TIAM2: variants seen among roughly 807,000 people sequenced by gnomAD.
The protein encoded by TIAM2 is TIAM Rac1 associated GEF 2.
TIAM2 carries 80 observed loss-of-function variants against 152.9 expected under a neutral mutation model. The observed-to-expected ratio is 0.52, with a 90% confidence interval of 0.44 to 0.63. TIAM2 has a LOEUF of 0.63. Among genes scored for constraint, TIAM2 ranks in the 30% least tolerant of loss-of-function variants. The pLI, the probability that TIAM2 is intolerant of heterozygous loss-of-function variation, is 0.00. For missense variants in TIAM2, 1,965 were observed against 2,120.1 expected (o/e 0.93, Z 1.44); for synonymous variants, 804 against 838.0 (o/e 0.96, Z 0.70).
chr6:155,029,671 A>G (rs1294944730), intron 1 of TIAM2, among the ~76,000 whole-genome samples: 1 of 135,338 alleles, frequency 7.4e-6, no homozygotes, highest in African/African-American at 2.7e-5. Flanking sequence ...ATATAACTAT[A>G]TACAGAGTTA....
intron 1 of TIAM2, among the ~76,000 whole-genome samples, chr6:155,008,141 C>T (rs1778429242): frequency 6.6e-6 from 1 of 152,090 alleles, no homozygotes; most frequent in Non-Finnish European, 1.5e-5. Context: ...TTATAGAGTG[C>T]ATTGAAAATT....
At chr6:155,015,049 G>A (rs2114852843) in intron 1 of TIAM2, among the ~76,000 whole-genome samples, 1 of 152,216 alleles carries the variant, frequency 6.6e-6, no homozygotes, top group Middle Eastern at 3.4e-3. Flanking sequence ...GCAGAGTAGG[G>A]TGTGCATGCT....
chr6:155,130,628 T>G (rs1025983071), intron 4 of TIAM2, among the ~76,000 whole-genome samples: 2 of 152,242 alleles, frequency 1.3e-5, no homozygotes, highest in African/African-American at 4.8e-5. Flanking sequence ...AGCCCACAAC[T>G]TTAATCTTCC....
chr6:155,225,058 C>T (rs1232019026), intron 15 of TIAM2, among the ~76,000 whole-genome samples: 1 of 152,200 alleles, frequency 6.6e-6, no homozygotes, highest in East Asian at 1.9e-4. Context: ...CAGGTTCAAG[C>T]AGTTCTCCCA....
At chr6:155,179,878 C>G (rs1326946611) in intron 12 of TIAM2, among the ~76,000 whole-genome samples, 3 of 152,216 alleles carry the variant, frequency 2.0e-5, no homozygotes, top group Admixed American at 6.5e-5. Flanking sequence ...TCCCTCCTCT[C>G]TGGTGACATG....
At position 155,088,056 on chromosome 6, in the gene TIAM2, T is replaced by C. The variant is rs186440560; in HGVS notation, c.-208-2233T>C. 9.7e-3 allele frequency among the ~76,000 whole-genome samples: 1,430 copies of C among 147,694 alleles called. 6 individuals carry two copies. Among genetic ancestry groups the C allele is most frequent in the Non-Finnish European group, 0.015 (1,030 of 66,570 alleles). On this transcript the variant is annotated intron_variant, in intron 1 of 26. Transcript: ENST00000682666. ...TGTATTTCTTTTTCTTTCTTTCTTT[T>C]TTTTTTTTTTTTTTTTGAGACGTAG...
chr6:155,204,421 G>C (rs890302143), intron 14 of TIAM2, among the ~76,000 whole-genome samples: 37 of 151,990 alleles, frequency 2.4e-4, no homozygotes, highest in Non-Finnish European at 4.6e-4. Flanking sequence ...ACGGCTTCTG[G>C]AGAGGTTCTG....
At chr6:155,202,813 G>T (rs930009805) in intron 14 of TIAM2, among the ~76,000 whole-genome samples, 1 of 150,384 alleles carries the variant, frequency 6.6e-6, no homozygotes, top group Admixed American at 6.7e-5. Context: ...TGAGGTGGGT[G>T]GATCACTCGA....
rs1783841446 is a variant in TIAM2, at chr6:155,253,969, A to G, written c.4226-4A>G. The G allele has an allele frequency of 3.7e-6, 6 of 1,611,006 alleles. No individual in the cohort carries two copies. Among genetic ancestry groups the G allele is most frequent in the Non-Finnish European group, 5.1e-6 (6 of 1,178,898 alleles). On this transcript the variant is annotated splice_polypyrimidine_tract_variant and splice_region_variant and intron_variant, in intron 24 of 26. Coordinates refer to ENST00000682666, the MANE Select transcript of TIAM2 (RefSeq NM_012454.4). ...GACTCTTGTTTCCATTTCCTTTTAC[A>G]TAGGGACAGAAAATAATTCCATATG... is the stretch of plus-strand genomic sequence containing the variant.
intron 1 of TIAM2, among the ~76,000 whole-genome samples, chr6:154,998,962 A>C (rs1778267482): frequency 6.6e-6 from 1 of 152,198 alleles, no homozygotes; most frequent in African/African-American, 2.4e-5. Context: ...TGCCAAACAC[A>C]ATGCCCTGGG....
intron 1 of TIAM2, among the ~76,000 whole-genome samples, chr6:155,057,017 C>CTTTTTTT (rs71023612): frequency 0.01 from 443 of 43,880 alleles, 33 homozygotes; most frequent in Non-Finnish European, 0.013. Flanking sequence ...AGTTTTCTTT[C>CTTTTTTT]TTTTTTTTTT....
Position 155,249,814 on chromosome 6 carries a change from AAC to A in TIAM2, c.3833-35_3833-34del, listed in dbSNP as rs745700543. ...CTGTTGGATAGAATCTAAAACAAATAACAGTTATGAAATAAATATGATTTCAT... is the reference window on the plus strand; with the variant it reads ...CTGTTGGATAGAATCTAAAACAAATAAGTTATGAAATAAATATGATTTCAT... On this transcript the variant is annotated intron_variant, in intron 20 of 26. Transcript: ENST00000682666. The A allele has an allele frequency of 3.6e-5, 56 of 1,543,210 alleles. No homozygotes were observed. The Admixed American group carries it at 6.5e-4, about 18-fold the overall frequency.
intron 14 of TIAM2, among the ~76,000 whole-genome samples, chr6:155,208,843 G>A (rs989195419): frequency 1.3e-5 from 2 of 151,822 alleles, no homozygotes; most frequent in East Asian, 2.0e-4. Context: ...CCATCCATCC[G>A]TCCATCGAGG....
intron 1 of TIAM2, among the ~76,000 whole-genome samples, chr6:155,045,633 G>A (rs571166393): frequency 4.5e-4 from 69 of 152,148 alleles, no homozygotes; most frequent in African/African-American, 1.5e-3. Context: ...GGTTCCATTT[G>A]ATCTTCTCTG....
At chr6:155,162,723 C>T (rs1181932960) in intron 7 of TIAM2, among the ~76,000 whole-genome samples, 4 of 152,166 alleles carry the variant, frequency 2.6e-5, no homozygotes, top group African/African-American at 9.7e-5. Context: ...GGCGTAGGAC[C>T]TGGGCATCTG....
intron 1 of TIAM2, among the ~76,000 whole-genome samples, chr6:155,053,326 T>C (rs1208950007): frequency 6.6e-6 from 1 of 152,178 alleles, no homozygotes. Context: ...AAACTATTCT[T>C]GCCACCTGTT....
chr6:155,060,115 A>G lies in TIAM2; in HGVS notation c.-208-30174A>G, dbSNP rs564487440. 1.7e-4 allele frequency among the ~76,000 whole-genome samples: 26 copies of G among 152,238 alleles called. No homozygotes were observed. In the East Asian group the frequency reaches 4.8e-3, roughly 28 times the overall value. On this transcript the variant is annotated intron_variant, in intron 1 of 26. Transcript: ENST00000682666. The stretch of plus-strand genomic sequence containing the variant: ...TTTCCTCCATTCCTTCTATTAATAC[A>G]TTTAATAGGCTGGGTGCGGTGCTTA...
intron 2 of TIAM2, among the ~76,000 whole-genome samples, chr6:155,107,891 G>A (rs544791832): frequency 6.6e-6 from 1 of 152,176 alleles, no homozygotes; most frequent in Non-Finnish European, 1.5e-5. Context: ...GGGCCGAGGA[G>A]CCCTGGCTTT....
intron 1 of TIAM2, among the ~76,000 whole-genome samples, chr6:155,083,057 T>C (rs745354848): frequency 1.3e-5 from 2 of 151,940 alleles, no homozygotes; most frequent in Non-Finnish European, 2.9e-5. Flanking sequence ...GGAAAAGAAG[T>C]AGAGGTGGGG....
Sources: allele counts gnomAD v4.1 joint callset (sites outside exome capture counted in the v4.1 genomes callset), GRCh38; gene constraint gnomAD v4.1.1; transcripts MANE v1.5; gene names NCBI Gene and HGNC (gene_info 2026-07-23, HGNC 2026-07-21).